Variants in BLK observed in about 807,000 individuals in gnomAD.
The protein encoded by BLK is BLK proto-oncogene, Src family tyrosine kinase.
BLK carries 64 observed loss-of-function variants against 61.8 expected under a neutral mutation model. That is an observed-to-expected ratio of 1.03 (90% CI 0.85 to 1.27). The LOEUF is 1.27. Ranked by LOEUF, BLK falls within the 50% of genes most tolerant of loss-of-function variation. The pLI is 0.00. For missense variants in BLK, 853 were observed against 660.5 expected (o/e 1.29, Z -3.19); for synonymous variants, 351 against 272.0 (o/e 1.29, Z -2.86).
chr8:11,563,260 G>A lies in BLK; in HGVS notation c.1312+150G>A. The A allele has an allele frequency of 5.0e-6, 6 of 1,191,818 alleles. 1 individual carries two copies. The South Asian group carries it at 8.9e-5, about 18-fold the overall frequency. 73.8% of individuals were successfully genotyped at this position (1,191,818 alleles called of 1,614,324 possible). A position where few individuals can be genotyped will look rare whatever the true frequency, so the allele number is the denominator to read the frequency against. The stretch of plus-strand genomic sequence containing the variant: ...AGACCCAGGCATGGCATCTGGGGTG[G>A]AGCTCTGCCCCCTGCATCACTATTG... On this transcript the variant is annotated intron_variant, in intron 12 of 12. Transcript: ENST00000259089.
At chr8:11,554,212 C>G (rs891544872) in intron 6 of BLK, 4 of 166,366 alleles carry the variant, frequency 2.4e-5, no homozygotes, top group African/African-American at 7.2e-5. Flanking sequence ...ACCTAGAAGA[C>G]AAAATAACAG....
intron 1 of BLK, among the ~76,000 whole-genome samples, chr8:11,510,497 G>C (rs1286578859): frequency 6.6e-6 from 1 of 152,156 alleles, no homozygotes; most frequent in Non-Finnish European, 1.5e-5. Flanking sequence ...TCCTGAAGCT[G>C]AGCACAAAAT....
rs75609541 is a variant in BLK, at chr8:11,521,761, C to G, written c.-1-21463C>G. On this transcript the variant is annotated intron_variant, in intron 1 of 12. Coordinates refer to ENST00000259089, the MANE Select transcript of BLK (RefSeq NM_001715.3). ...CATGTGCATGAGGGTCCGTCTGAGA[C>G]TCTCCGTTCACTTCCTGTTCTATTT... 5.8e-3 allele frequency among the ~76,000 whole-genome samples: 879 copies of G among 152,340 alleles called. 8 individuals are homozygous for G. The highest frequency in any genetic ancestry group is 0.02 in the African/African-American group (828 of 41,568).
At chr8:11,544,768 T>C (rs1284570493) in intron 2 of BLK, among the ~76,000 whole-genome samples, 2 of 152,226 alleles carry the variant, frequency 1.3e-5, no homozygotes. Flanking sequence ...GAAACATACA[T>C]GCACATCATT....
intron 1 of BLK, among the ~76,000 whole-genome samples, chr8:11,516,046 C>T (rs192074211): frequency 1.3e-5 from 2 of 152,310 alleles, no homozygotes; most frequent in East Asian, 1.9e-4. Context: ...ATAAGCAGAT[C>T]GTGGCCTGTA....
Position 11,510,347 on chromosome 8 carries a change from A to G in BLK, c.-2+15756A>G, listed in dbSNP as rs182280378. 6.0e-3 allele frequency among the ~76,000 whole-genome samples: 917 copies of G among 152,252 alleles called. 8 individuals carry two copies. Among genetic ancestry groups the G allele is most frequent in the Non-Finnish European group, 8.9e-3 (608 of 68,018 alleles). Reference sequence around the variant, plus strand: ...TTACTGGTGTGGTCTTTGGCCAGAGAGCAGACTTTCCTCTCTGTGAAATGA... The same window carrying G: ...TTACTGGTGTGGTCTTTGGCCAGAGGGCAGACTTTCCTCTCTGTGAAATGA... On this transcript the variant is annotated intron_variant, in intron 1 of 12. Coordinates refer to ENST00000259089, the MANE Select transcript of BLK (RefSeq NM_001715.3).
At chr8:11,516,204 G>A (rs1354624976) in intron 1 of BLK, among the ~76,000 whole-genome samples, 1 of 152,214 alleles carries the variant, frequency 6.6e-6, no homozygotes, top group East Asian at 1.9e-4. Context: ...AGTCCCTGGA[G>A]TAGTCCCATT....
intron 9 of BLK, among the ~76,000 whole-genome samples, chr8:11,557,605 G>C (rs532027033): frequency 6.6e-6 from 1 of 152,278 alleles, no homozygotes; most frequent in East Asian, 1.9e-4. Flanking sequence ...GGGATCAAGG[G>C]AGCGAGGCCA....
chr8:11,555,228 G>C, intron 7 of BLK, 104 bp from the exon 8 acceptor site: 11 of 1,457,108 alleles, frequency 7.5e-6, no homozygotes, highest in Middle Eastern at 2.1e-4. Context: ...TGCAGGGGGT[G>C]GGGTGGCTGG....
intron 6 of BLK, chr8:11,553,125 C>A (rs1017350168): frequency 5.1e-6 from 1 of 195,784 alleles, no homozygotes; most frequent in African/African-American, 2.3e-5. Flanking sequence ...ACACACACAA[C>A]TCCAAAGCAA....
chr8:11,542,642 C>G (rs768332311), intron 1 of BLK, among the ~76,000 whole-genome samples: 29 of 152,346 alleles, frequency 1.9e-4, no homozygotes, highest in African/African-American at 5.3e-4. Context: ...CATCTTCCCC[C>G]CTTTAAGGAG....
chr8:11,523,707 T>C (rs577124037), intron 1 of BLK, among the ~76,000 whole-genome samples: 1 of 152,316 alleles, frequency 6.6e-6, no homozygotes, highest in African/African-American at 2.4e-5. Context: ...ATGTAAAAAG[T>C]GGTAGAAGAC....
chr8:11,499,322 G>A (rs1348994812), intron 1 of BLK, among the ~76,000 whole-genome samples: 2 of 152,204 alleles, frequency 1.3e-5, no homozygotes, highest in Non-Finnish European at 2.9e-5. Flanking sequence ...TGTATACGAT[G>A]TTCGCAGAAC....
At chr8:11,508,861 G>A (rs928717891) in intron 1 of BLK, among the ~76,000 whole-genome samples, 1 of 152,198 alleles carries the variant, frequency 6.6e-6, no homozygotes, top group African/African-American at 2.4e-5. Flanking sequence ...GAGGAGCCGT[G>A]GTGGAGGGGT....
Position 11,527,670 on chromosome 8 carries a change from C to A in BLK, c.-1-15554C>A, listed in dbSNP as rs148869365. 3.6e-4 allele frequency among the ~76,000 whole-genome samples: 55 copies of A among 151,772 alleles called. No homozygotes were observed. In the East Asian group the frequency reaches 0.01, roughly 29 times the overall value. On this transcript the variant is annotated intron_variant, in intron 1 of 12. Coordinates refer to ENST00000259089, the MANE Select transcript of BLK (RefSeq NM_001715.3). ...AAATCGTAGGGGTGTGGAAAATTGC[C>A]CTTGTGAGTGAGTACTCCTTTGGGT...
At chr8:11,523,588 T>C (rs910317011) in intron 1 of BLK, among the ~76,000 whole-genome samples, 10 of 152,092 alleles carry the variant, frequency 6.6e-5, no homozygotes, top group Non-Finnish European at 1.5e-4. Context: ...TTAAAAAGCA[T>C]AACCTAAATT....
chr8:11,495,234 A>C (rs956763801), intron 1 of BLK, among the ~76,000 whole-genome samples: 1 of 152,236 alleles, frequency 6.6e-6, no homozygotes, highest in Non-Finnish European at 1.5e-5. Context: ...CAACGTTTCC[A>C]TTTATCTGGT....
intron 9 of BLK, 181 bp from the exon 10 acceptor site, chr8:11,557,781 A>G: frequency 1.6e-6 from 1 of 611,302 alleles, no homozygotes; most frequent in South Asian, 1.7e-5. Flanking sequence ...TGAGACTGGC[A>G]TTTTGTAAAG....
intron 1 of BLK, among the ~76,000 whole-genome samples, chr8:11,501,006 C>T (rs1010126117): frequency 1.3e-5 from 2 of 151,814 alleles, no homozygotes; most frequent in South Asian, 4.2e-4. Context: ...GTCAGGGGTT[C>T]GAGACCAGCC....
Sources: allele counts gnomAD v4.1 joint callset (sites outside exome capture counted in the v4.1 genomes callset), GRCh38; gene constraint gnomAD v4.1.1; transcripts MANE v1.5; gene names NCBI Gene and HGNC (gene_info 2026-07-23, HGNC 2026-07-21).